SDHAF3: variants seen among roughly 807,000 people sequenced by gnomAD.
SDHAF3 encodes succinate dehydrogenase complex assembly factor 3.
SDHAF3 carries 18 observed loss-of-function variants against 11.5 expected under a neutral mutation model. The ratio of observed to expected loss-of-function variants is 1.56; its 90% CI spans 1.08 to 2.32. The LOEUF (loss-of-function observed/expected upper bound fraction) is 2.32, where lower values mean the gene tolerates loss of function less well. SDHAF3 is among the 30% of genes most tolerant of loss of function. The pLI is 0.00. For synonymous variants in SDHAF3, 72 were observed against 59.3 expected (o/e 1.21, Z -0.99); for missense variants, 200 against 154.4 (o/e 1.30, Z -1.57).
chr7:97,173,915 AGCTTTTTTTTCTTTTTTTTTTT>A (rs1789642528), intron 1 of SDHAF3, among the ~76,000 whole-genome samples: 1 of 148,564 alleles, frequency 6.7e-6, no homozygotes, highest in Non-Finnish European at 1.5e-5. Flanking sequence ...TTTTGTTAGC[AGCTTTTTTTTCTTTTTTTTTTT>A]AAAGACAGAG....
intron 1 of SDHAF3, chr7:97,135,563 T>G (rs1791740233): frequency 6.7e-6 from 1 of 148,646 alleles, no homozygotes; most frequent in Non-Finnish European, 1.5e-5. Context: ...ATTGACTGCA[T>G]TATTTGCTAG....
At chr7:97,165,393 G>C (rs1483431450) in intron 1 of SDHAF3, among the ~76,000 whole-genome samples, 1 of 11,696 alleles carries the variant, frequency 8.5e-5, no homozygotes, top group Non-Finnish European at 2.2e-4. Flanking sequence ...TTTTTATTTT[G>C]GTTACCAGTT....
chr7:97,132,766 A>G (rs1024067423), intron 1 of SDHAF3, among the ~76,000 whole-genome samples: 1 of 152,120 alleles, frequency 6.6e-6, no homozygotes, highest in Admixed American at 6.6e-5. Flanking sequence ...AGACAGGTAA[A>G]TAGGCTCCCC....
intron 1 of SDHAF3, among the ~76,000 whole-genome samples, chr7:97,179,112 A>C (rs1353271916): frequency 6.6e-6 from 1 of 152,156 alleles, no homozygotes; most frequent in Non-Finnish European, 1.5e-5. Flanking sequence ...CCTCCACTGA[A>C]TGGATTTGAC....
intron 1 of SDHAF3, among the ~76,000 whole-genome samples, chr7:97,163,612 C>A (rs781267536): frequency 2.0e-5 from 3 of 152,148 alleles, no homozygotes; most frequent in Non-Finnish European, 4.4e-5. Context: ...TCCAGTTTGC[C>A]AGTCTGTGTC....
intron 1 of SDHAF3, among the ~76,000 whole-genome samples, chr7:97,160,036 C>T (rs541877719): frequency 5.9e-5 from 9 of 152,218 alleles, no homozygotes; most frequent in South Asian, 2.1e-4. Context: ...GGCCACCCTT[C>T]GTCTGGGAGG....
chr7:97,146,381 A>G (rs1437959028), intron 1 of SDHAF3, among the ~76,000 whole-genome samples: 2 of 152,216 alleles, frequency 1.3e-5, no homozygotes, highest in East Asian at 3.8e-4. Flanking sequence ...TGTTGTTAGA[A>G]CTATGAAACA....
chr7:97,140,224 G>A (rs541871286), intron 1 of SDHAF3, among the ~76,000 whole-genome samples: 2 of 152,022 alleles, frequency 1.3e-5, no homozygotes, highest in East Asian at 1.9e-4. Context: ...AAACCCTAAA[G>A]TGTCTTTCAA....
chr7:97,127,368 G>C (rs180723146), intron 1 of SDHAF3, among the ~76,000 whole-genome samples: 5 of 152,220 alleles, frequency 3.3e-5, no homozygotes, highest in African/African-American at 1.2e-4. Context: ...CTTTATACTT[G>C]TGTGATAATT....
chr7:97,168,527 G>A (rs1449900249), intron 1 of SDHAF3, among the ~76,000 whole-genome samples: 4 of 152,312 alleles, frequency 2.6e-5, no homozygotes, highest in African/African-American at 9.6e-5. Flanking sequence ...AGATGGAGTT[G>A]GTTAGGTCAG....
chr7:97,168,912 T>C (rs1789558299), intron 1 of SDHAF3, among the ~76,000 whole-genome samples: 1 of 152,238 alleles, frequency 6.6e-6, no homozygotes, highest in Non-Finnish European at 1.5e-5. Context: ...ATTACAGATA[T>C]GTAGACTCTG....
At chr7:97,149,001 C>A (rs1161756482) in intron 1 of SDHAF3, among the ~76,000 whole-genome samples, 2 of 150,852 alleles carry the variant, frequency 1.3e-5, no homozygotes, top group Non-Finnish European at 2.9e-5. Flanking sequence ...ATGATTTTGG[C>A]TCACTGCAGC....
At position 97,122,109 on chromosome 7, in the gene SDHAF3, G is replaced by C. The variant is rs192133777; in HGVS notation, c.174+4212G>C. On this transcript the variant is annotated intron_variant, in intron 1 of 1. Transcript: ENST00000432641. ...CCCGACCTTATGATCCGCCCACCTG[G>C]GCCTCCCAAATGCTGGGATTACAGG... Among the ~76,000 whole-genome samples, 30 of 152,176 alleles carry C rather than the reference G, an allele frequency of 2.0e-4. No individual in the cohort carries two copies. In the East Asian group the frequency reaches 5.0e-3, roughly 26 times the overall value.
intron 1 of SDHAF3, among the ~76,000 whole-genome samples, chr7:97,139,487 G>A (rs1484246268): frequency 2.0e-5 from 3 of 152,216 alleles, no homozygotes; most frequent in Non-Finnish European, 4.4e-5. Context: ...GTGTATATAT[G>A]TAAAATAGGT....
chr7:97,166,312 T>TA (rs779626913), intron 1 of SDHAF3, among the ~76,000 whole-genome samples: 87 of 152,238 alleles, frequency 5.7e-4, no homozygotes, highest in South Asian at 2.3e-3. Context: ...CATCAGTAAA[T>TA]ACATGTAAGA....
rs150372148 is a variant in SDHAF3, at chr7:97,181,107, T to G, written c.270T>G (p.Leu90=). 6 of 1,613,934 alleles carry G rather than the reference T, an allele frequency of 3.7e-6. No individual in the cohort carries two copies. The highest frequency in any genetic ancestry group is 1.3e-5 in the African/African-American group (1 of 74,940). The change falls in exon 2 of 2, where the codon CTT becomes CTG. Residue 90 remains leucine (L), a synonymous_variant. Transcript: ENST00000432641. ...CFGTFLPEEK[L]NDFRDEQIGQ... ...GCACCTTCCTCCCAGAAGAAAAACT[T>G]AATGACTTTCGTGATGAACAAATTG...
At chr7:97,163,437 G>A (rs1789446694) in intron 1 of SDHAF3, among the ~76,000 whole-genome samples, 1 of 152,194 alleles carries the variant, frequency 6.6e-6, no homozygotes, top group African/African-American at 2.4e-5. Flanking sequence ...ACTGCGCCTG[G>A]CCTATAGTCT....
At chr7:97,124,758 A>G (rs1018452855) in intron 1 of SDHAF3, among the ~76,000 whole-genome samples, 3 of 152,136 alleles carry the variant, frequency 2.0e-5, no homozygotes, top group South Asian at 2.1e-4. Context: ...CTTTGTAGCA[A>G]TTGTGAATGG....
In SDHAF3 at chr7:97,181,761, T is replaced by C. The variant is rs1477613996; in HGVS notation, c.*546T>C. On this transcript the variant is annotated 3_prime_UTR_variant, in exon 2 of 2. Transcript: ENST00000432641. ...TTTGTATAATAAACTATACAAAGTA[T>C]AATACGTTTCCTCCAGTGTTTGTTT... 1 of 152,410 alleles carries C rather than the reference T, an allele frequency of 6.6e-6. No individual in the cohort carries two copies. The highest frequency in any genetic ancestry group is 1.5e-5 in the Non-Finnish European group (1 of 68,226). The allele number at this position is 152,410 out of a possible 1,614,324, so 9.4% of individuals were successfully genotyped here.
Sources: gnomAD v4.1 joint callset for allele counts (sites outside exome capture counted in the v4.1 genomes callset) on GRCh38, gnomAD v4.1.1 for gene constraint, MANE v1.5 for transcripts, NCBI Gene and HGNC (gene_info 2026-07-23, HGNC 2026-07-21) for gene names.